Variants in AGO3 observed in about 807,000 individuals in gnomAD.
AGO3 encodes the protein protein argonaute-3.
In AGO3, 16 loss-of-function variants were observed where a neutral mutation model predicts 105.5. That is an observed-to-expected ratio of 0.15 (90% CI 0.10 to 0.23). AGO3 has a LOEUF of 0.23. Among genes scored for constraint, AGO3 ranks in the 10% least tolerant of loss-of-function variants. The pLI is 1.00. For synonymous variants in AGO3, 340 were observed against 367.3 expected (o/e 0.93, Z 0.85); for missense variants, 534 against 1,088.0 (o/e 0.49, Z 7.16).
At chr1:35,958,370 G>A (rs1372602424) in intron 2 of AGO3, among the ~76,000 whole-genome samples, 1 of 151,462 alleles carries the variant, frequency 6.6e-6, no homozygotes, top group Non-Finnish European at 1.5e-5. Context: ...GACAGAATAA[G>A]ACTCCATAAT....
At chr1:35,952,518 G>T (rs1470363276) in intron 2 of AGO3, among the ~76,000 whole-genome samples, 1 of 152,086 alleles carries the variant, frequency 6.6e-6, no homozygotes, top group Non-Finnish European at 1.5e-5. Flanking sequence ...TGATTTCAAG[G>T]TTCATTCATG....
At chr1:36,054,297 A>G (rs1291381215) in intron 17 of AGO3, among the ~76,000 whole-genome samples, 1 of 151,792 alleles carries the variant, frequency 6.6e-6, no homozygotes, top group African/African-American at 2.4e-5. Flanking sequence ...TATTGAGACA[A>G]AGTTTCACTA....
At chr1:35,936,251 TGCTTAAA>T (rs1646143773) in intron 1 of AGO3, among the ~76,000 whole-genome samples, 1 of 151,790 alleles carries the variant, frequency 6.6e-6, no homozygotes, top group Non-Finnish European at 1.5e-5. Flanking sequence ...GGCTAGCCAC[TGCTTAAA>T]AAAAAAAAAC....
Position 36,034,342 on chromosome 1 carries a change from T to A in AGO3, c.1751+9T>A. 6.4e-7 allele frequency: 1 copy of A among 1,569,254 alleles called. No homozygotes were observed. The highest frequency in any genetic ancestry group is 8.6e-7 in the Non-Finnish European group (1 of 1,158,688). On this transcript the variant is annotated intron_variant, in intron 13 of 18. Transcript: ENST00000373191. ...CTTGTACCTCATCAAAGGTAAGATATGCTAATCGCTTATGAAAATATTATT... is the reference window on the plus strand; with the variant it reads ...CTTGTACCTCATCAAAGGTAAGATAAGCTAATCGCTTATGAAAATATTATT...
chr1:35,945,666 C>T, intron 1 of AGO3, 26 bp from the exon 2 acceptor site: 1 of 1,585,124 alleles, frequency 6.3e-7, no homozygotes, highest in Non-Finnish European at 8.6e-7. Context: ...AACTGTGACT[C>T]TTTTTTTTTC....
intron 5 of AGO3, among the ~76,000 whole-genome samples, chr1:35,997,662 G>C (rs1353832130): frequency 6.6e-6 from 1 of 152,084 alleles, no homozygotes. Context: ...GTGTTTATTA[G>C]GATGTAATCC....
At chr1:35,969,121 G>A (rs1226169878) in intron 3 of AGO3, among the ~76,000 whole-genome samples, 5 of 151,984 alleles carry the variant, frequency 3.3e-5, no homozygotes, top group African/African-American at 9.7e-5. Context: ...TGGGCAGTGA[G>A]TTGTAGGAGT....
At chr1:35,983,698 T>G (rs2148786089) in intron 5 of AGO3, among the ~76,000 whole-genome samples, 1 of 152,340 alleles carries the variant, frequency 6.6e-6, no homozygotes. Flanking sequence ...TAATGTAAAC[T>G]GGCTCCCAAG....
chr1:36,070,306 C>T lies in AGO3; in HGVS notation c.*14561C>T, dbSNP rs964243912. The stretch of plus-strand genomic sequence containing the variant: ...GCTTTACTTTAAAAATTCCAATCAT[C>T]ATGTACCTATAAAGGTTAAAATATA... On this transcript the variant is annotated 3_prime_UTR_variant, in exon 19 of 19. Transcript: ENST00000373191. 12 of 152,136 alleles carry T rather than the reference C, an allele frequency of 7.9e-5. No individual in the cohort carries two copies. The highest frequency in any genetic ancestry group is 2.9e-4 in the African/African-American group (12 of 41,400). 9.4% of individuals were successfully genotyped at this position (152,136 alleles called of 1,614,324 possible).
chr1:36,043,499 C>T lies in AGO3; in HGVS notation c.2225C>T (p.Thr742Ile), dbSNP rs1642335841. ...GGAACAACAGTTGATACAGACATTA[C>T]ACACCCATATGAGTTCGATTTTTAC... Reference protein sequence around the residue: ...PAGTTVDTDITHPYEFDFYLC... With the variant: ...PAGTTVDTDIIHPYEFDFYLC... The change falls in exon 17 of 19, where the codon ACA (threonine) becomes ATA (isoleucine). Residue 742 changes from threonine (T) to isoleucine (I), a missense_variant. Thr to Ile is a moderately conservative substitution (Grantham distance 89, BLOSUM62 -1). This residue lies in a region of AGO3 where 373 missense variants were observed against 854.0 expected (regional missense o/e 0.44). Coordinates refer to ENST00000373191, the MANE Select transcript of AGO3 (RefSeq NM_024852.4). The T allele has an allele frequency of 6.2e-7, 1 of 1,614,022 alleles. No homozygotes were observed. Among genetic ancestry groups the T allele is most frequent in the Non-Finnish European group, 8.5e-7 (1 of 1,179,996 alleles).
intron 17 of AGO3, among the ~76,000 whole-genome samples, chr1:36,050,685 A>G (rs150735075): frequency 0.042 from 6,416 of 150,990 alleles, 451 homozygotes; most frequent in African/African-American, 0.15. Context: ...CCAGCTACTC[A>G]AGAGGCTGAG....
At chr1:36,003,781 C>A (rs1416390703) in intron 5 of AGO3, among the ~76,000 whole-genome samples, 1 of 145,180 alleles carries the variant, frequency 6.9e-6, no homozygotes, top group African/African-American at 2.6e-5. Context: ...ACTAATACCA[C>A]TGTTTTTTCA....
rs1639787683 is a variant in AGO3, at chr1:35,996,091, C to G, written c.659-8250C>G. Among the ~76,000 whole-genome samples, 2 of 152,118 alleles carry G rather than the reference C, an allele frequency of 1.3e-5. 1 individual carries two copies. The highest frequency in any genetic ancestry group is 4.1e-4 in the South Asian group (2 of 4,826). Reference sequence around the variant, plus strand: ...CACTGGCTCACACCTATAATCCCAACACTTTGGGAGGCCTAGGCAAGAGAA... The same window carrying G: ...CACTGGCTCACACCTATAATCCCAAGACTTTGGGAGGCCTAGGCAAGAGAA... On this transcript the variant is annotated intron_variant, in intron 5 of 18. Coordinates refer to ENST00000373191, the MANE Select transcript of AGO3 (RefSeq NM_024852.4).
chr1:36,027,312 AAG>A lies in AGO3; in HGVS notation c.1591+16_1591+17del. 1 of 1,577,188 alleles carries A rather than the reference AAG, an allele frequency of 6.3e-7. No homozygotes were observed. The highest frequency in any genetic ancestry group is 8.6e-7 in the Non-Finnish European group (1 of 1,159,032). The stretch of plus-strand genomic sequence containing the variant: ...CACCAGTGTATGGTAAGGATATCTT[AAG>A]ACTGCATTTTTCCTCAAGTACTTGA... On this transcript the variant is annotated intron_variant, in intron 12 of 18. Transcript: ENST00000373191. This position sits in a 1 kb window ranked among gnomAD's most constrained non-coding sequence, Gnocchi z 4.0.
At chr1:35,964,642 A>C (rs897100580) in intron 2 of AGO3, among the ~76,000 whole-genome samples, 2 of 152,152 alleles carry the variant, frequency 1.3e-5, no homozygotes, top group African/African-American at 4.8e-5. Flanking sequence ...ATATATACCT[A>C]GTAATGGGAT....
intron 5 of AGO3, among the ~76,000 whole-genome samples, chr1:35,982,163 C>T (rs1039503685): frequency 2.0e-5 from 3 of 152,090 alleles, no homozygotes; most frequent in African/African-American, 7.2e-5. Flanking sequence ...TGTGGTAGCT[C>T]ACACCTGTAA....
intron 16 of AGO3, among the ~76,000 whole-genome samples, chr1:36,041,302 C>T (rs1221041317): frequency 1.6e-5 from 2 of 127,518 alleles, no homozygotes; most frequent in Admixed American, 1.0e-4. Flanking sequence ...AGTGCGGTGG[C>T]GCGATCTCAG....
chr1:35,941,202 C>T (rs1190678283), intron 1 of AGO3, among the ~76,000 whole-genome samples: 1 of 152,134 alleles, frequency 6.6e-6, no homozygotes, highest in Non-Finnish European at 1.5e-5. Context: ...TGTTTCTCCT[C>T]ATACCCCACA....
chr1:36,028,149 C>T (rs1641592694), intron 12 of AGO3, among the ~76,000 whole-genome samples: 1 of 152,166 alleles, frequency 6.6e-6, no homozygotes, highest in African/African-American at 2.4e-5. Flanking sequence ...TCAAGCAATC[C>T]TCCTTTCTCG....
Sources: allele counts gnomAD v4.1 joint callset (sites outside exome capture counted in the v4.1 genomes callset), GRCh38; gene constraint gnomAD v4.1.1; regional missense constraint gnomAD v4.1.1; non-coding constraint Gnocchi (gnomAD v3.1); transcripts MANE v1.5; gene names NCBI Gene and HGNC (gene_info 2026-07-23, HGNC 2026-07-21).